ELMO1: variants seen among roughly 807,000 people sequenced by gnomAD.
ELMO1 encodes the protein engulfment and cell motility protein 1.
ELMO1 carries 26 observed loss-of-function variants against 98.9 expected under a neutral mutation model. The ratio of observed to expected loss-of-function variants is 0.26; its 90% CI spans 0.19 to 0.36. The LOEUF (loss-of-function observed/expected upper bound fraction) is 0.36, where lower values mean the gene tolerates loss of function less well. Among genes scored for constraint, ELMO1 ranks in the 10% least tolerant of loss-of-function variants. The pLI is 1.00. For synonymous variants in ELMO1, 346 were observed against 346.0 expected, an observed-to-expected ratio of 1.00 and a Z score of 0.00; for missense variants, 627 against 935.2, an observed-to-expected ratio of 0.67 and a Z score of 4.30.
intron 13 of ELMO1, among the ~76,000 whole-genome samples, chr7:37,153,567 G>A (rs915212355): frequency 2.6e-5 from 4 of 152,180 alleles, no homozygotes; most frequent in Admixed American, 6.5e-5. Flanking sequence ...TGGGATGCTG[G>A]AGCCTGGCAG....
At chr7:37,056,067 T>C (rs1336187321) in intron 15 of ELMO1, among the ~76,000 whole-genome samples, 1 of 152,206 alleles carries the variant, frequency 6.6e-6, no homozygotes, top group East Asian at 1.9e-4. Context: ...GAATTTACAA[T>C]TTACAGTGGT....
chr7:37,106,256 A>G (rs1226075070), intron 14 of ELMO1, among the ~76,000 whole-genome samples: 1 of 152,134 alleles, frequency 6.6e-6, no homozygotes, highest in Non-Finnish European at 1.5e-5. Flanking sequence ...TTGAAACTTA[A>G]TCCCCAATGC....
chr7:37,104,010 CAAAAA>C (rs35979251), intron 14 of ELMO1, among the ~76,000 whole-genome samples: 571 of 28,816 alleles, frequency 0.02, no homozygotes, highest in East Asian at 0.087. Flanking sequence ...GACTCCATCT[CAAAAA>C]AAAAAAAAAA....
chr7:37,411,093 G>C (rs1803977199), intron 1 of ELMO1, among the ~76,000 whole-genome samples: 1 of 152,176 alleles, frequency 6.6e-6, no homozygotes, highest in South Asian at 2.1e-4. Flanking sequence ...ACATTTTCCT[G>C]GTTCTCAGAA....
At chr7:37,253,287 T>C (rs184267058) in intron 6 of ELMO1, among the ~76,000 whole-genome samples, 2 of 152,314 alleles carry the variant, frequency 1.3e-5, no homozygotes, top group East Asian at 1.9e-4. Flanking sequence ...CGTATGTTTA[T>C]TGCAGCACTG....
intron 5 of ELMO1, among the ~76,000 whole-genome samples, chr7:37,262,923 G>A (rs754891649): frequency 8.5e-5 from 13 of 152,210 alleles, no homozygotes; most frequent in Non-Finnish European, 1.9e-4. Context: ...TCCACCCACA[G>A]TGTGACAGAG....
At chr7:37,116,835 T>A (rs1171388912) in intron 14 of ELMO1, 1 of 165,632 alleles carries the variant, frequency 6.0e-6, no homozygotes, top group Non-Finnish European at 1.3e-5. Flanking sequence ...CCTAGAAAAG[T>A]ACTACATGTG....
chr7:37,078,878 A>T (rs1335128262), intron 15 of ELMO1, among the ~76,000 whole-genome samples: 2 of 152,216 alleles, frequency 1.3e-5, no homozygotes, highest in African/African-American at 4.8e-5. Context: ...TAGAATATTT[A>T]AAAATACACG....
At chr7:37,320,444 C>T (rs975385560) in intron 2 of ELMO1, among the ~76,000 whole-genome samples, 3 of 152,106 alleles carry the variant, frequency 2.0e-5, no homozygotes, top group African/African-American at 4.8e-5. Flanking sequence ...TCCACACTTT[C>T]GCTCATGCCA....
At chr7:37,090,620 C>A (rs1390225891) in intron 15 of ELMO1, among the ~76,000 whole-genome samples, 1 of 152,142 alleles carries the variant, frequency 6.6e-6, no homozygotes, top group African/African-American at 2.4e-5. Context: ...CAGCCGCCTC[C>A]CACCATCCAC....
intron 8 of ELMO1, among the ~76,000 whole-genome samples, chr7:37,228,041 T>C (rs1793961674): frequency 6.6e-6 from 1 of 152,256 alleles, no homozygotes; most frequent in South Asian, 2.1e-4. Context: ...TGCATTACAG[T>C]CCTATGTACA....
At chr7:37,327,753 G>A (rs762032880) in intron 2 of ELMO1, among the ~76,000 whole-genome samples, 6 of 152,148 alleles carry the variant, frequency 3.9e-5, no homozygotes, top group Non-Finnish European at 7.3e-5. Flanking sequence ...GTGGAGGGAC[G>A]TGGCTTCTGA....
rs62459392 is a variant in ELMO1 at position 37,422,021 on chromosome 7, T to C, written c.-74+26654A>G. Among the ~76,000 whole-genome samples, 402 of 152,298 alleles carry C rather than the reference T, an allele frequency of 2.6e-3. 1 individual carries two copies. Among genetic ancestry groups the C allele is most frequent in the Non-Finnish European group, 5.1e-3 (346 of 68,026 alleles). On this transcript the variant is annotated intron_variant, in intron 1 of 21. Coordinates refer to ENST00000310758, the MANE Select transcript of ELMO1 (RefSeq NM_014800.11). ...CATACAAAGGATGACCTTTAAAGAA[T>C]GCAGTTCTCAAGCCAATTGCATTGT...
At chr7:36,922,465 G>A (rs1007242009) in intron 16 of ELMO1, among the ~76,000 whole-genome samples, 1 of 151,382 alleles carries the variant, frequency 6.6e-6, no homozygotes, top group Non-Finnish European at 1.5e-5. Flanking sequence ...TCAGCCCACA[G>A]ATTATTTGTC....
At chr7:36,976,024 A>G (rs907667921) in intron 16 of ELMO1, among the ~76,000 whole-genome samples, 6 of 152,228 alleles carry the variant, frequency 3.9e-5, no homozygotes, top group Non-Finnish European at 7.3e-5. Flanking sequence ...GGATTTATGT[A>G]AAAGCCGAAA....
At chr7:37,052,753 G>T (rs1023047569) in intron 15 of ELMO1, among the ~76,000 whole-genome samples, 3 of 152,216 alleles carry the variant, frequency 2.0e-5, no homozygotes, top group African/African-American at 7.2e-5. Context: ...AGAATTATCA[G>T]ATAAACAGGC....
At chr7:37,164,360 T>C (rs778395583) in intron 13 of ELMO1, among the ~76,000 whole-genome samples, 48 of 152,076 alleles carry the variant, frequency 3.2e-4, no homozygotes, top group Admixed American at 5.9e-4. Flanking sequence ...CATTTGTCAA[T>C]TTTGGCTTTT....
intron 15 of ELMO1, among the ~76,000 whole-genome samples, chr7:37,069,929 T>C (rs1334085351): frequency 6.6e-6 from 1 of 152,230 alleles, no homozygotes; most frequent in Non-Finnish European, 1.5e-5. Context: ...TCTCTCTGCA[T>C]ATTTATATCT....
chr7:37,151,323 G>A (rs1024836564), intron 13 of ELMO1, among the ~76,000 whole-genome samples: 6 of 152,036 alleles, frequency 3.9e-5, no homozygotes, highest in African/African-American at 1.5e-4. Flanking sequence ...GAGCCTGACC[G>A]TTCACACTAC....
Sources: gnomAD v4.1 joint callset for allele counts (sites outside exome capture counted in the v4.1 genomes callset) on GRCh38, gnomAD v4.1.1 for gene constraint, MANE v1.5 for transcripts, NCBI Gene and HGNC (gene_info 2026-07-23, HGNC 2026-07-21) for gene names.